The following NELL1 variants were observed in gnomAD, a reference collection of about 807,000 sequenced individuals.
NELL1 encodes the protein protein kinase C-binding protein NELL1.
Under a neutral mutation model 107.4 loss-of-function variants are expected in NELL1, and 76 were observed. The ratio of observed to expected loss-of-function variants is 0.71; its 90% CI spans 0.59 to 0.86. The LOEUF is 0.86. Ranked by LOEUF, NELL1 falls within the 40% of genes least tolerant of loss-of-function variation. NELL1 has a pLI of 0.00. For synonymous variants in NELL1, 353 were observed against 341.2 expected, an observed-to-expected ratio of 1.03 and a Z score of -0.38; for missense variants, 1,024 against 1,005.5, an observed-to-expected ratio of 1.02 and a Z score of -0.25.
intron 15 of NELL1, among the ~76,000 whole-genome samples, chr11:21,385,247 T>G (rs2133774470): frequency 1.3e-5 from 2 of 151,968 alleles, no homozygotes; most frequent in South Asian, 2.1e-4. Context: ...TCTTTGCCAT[T>G]ATATTTCCGG....
At position 21,467,197 on chromosome 11, in the gene NELL1, TACTA is replaced by T. The variant is rs567097333; in HGVS notation, c.1646-67173_1646-67170del. 3.9e-5 allele frequency among the ~76,000 whole-genome samples: 6 copies of T among 152,204 alleles called. No homozygotes were observed. In the East Asian group the frequency reaches 7.7e-4, roughly 20 times the overall value. ...GGCTTTGAATTGCAGATCCCATACTTACTAACTGTGTATGACTTAAGACAAGGTA... is the reference window on the plus strand; with the variant it reads ...GGCTTTGAATTGCAGATCCCATACTTACTGTGTATGACTTAAGACAAGGTA... On this transcript the variant is annotated intron_variant, in intron 15 of 19. Coordinates refer to ENST00000357134, the MANE Select transcript of NELL1 (RefSeq NM_006157.5).
chr11:21,566,300 G>A (rs1014637045), intron 17 of NELL1, among the ~76,000 whole-genome samples: 5 of 151,780 alleles, frequency 3.3e-5, no homozygotes, highest in African/African-American at 7.3e-5. Flanking sequence ...GAAAAAAAAT[G>A]AGTGATATTA....
intron 2 of NELL1, among the ~76,000 whole-genome samples, chr11:20,759,615 TG>T (rs1166510579): frequency 6.6e-6 from 1 of 152,224 alleles, no homozygotes; most frequent in African/African-American, 2.4e-5. Flanking sequence ...CATCCACCAC[TG>T]GGCAGGTTGT....
chr11:21,012,337 A>G (rs1208389937), intron 12 of NELL1, among the ~76,000 whole-genome samples: 1 of 152,108 alleles, frequency 6.6e-6, no homozygotes, highest in Non-Finnish European at 1.5e-5. Flanking sequence ...CTTCCATTCA[A>G]GACCACACAG....
At chr11:20,892,450 T>C (rs1250117740) in intron 5 of NELL1, among the ~76,000 whole-genome samples, 7 of 152,200 alleles carry the variant, frequency 4.6e-5, no homozygotes, top group African/African-American at 1.7e-4. Flanking sequence ...TATGTGAGGC[T>C]GTGGAGAAAT....
At chr11:21,515,655 G>T (rs1283813616) in intron 15 of NELL1, among the ~76,000 whole-genome samples, 1 of 152,108 alleles carries the variant, frequency 6.6e-6, no homozygotes, top group African/African-American at 2.4e-5. Context: ...TAAAGATATT[G>T]TATGATAGCA....
At chr11:21,239,512 G>A (rs939932737) in intron 14 of NELL1, among the ~76,000 whole-genome samples, 11 of 151,980 alleles carry the variant, frequency 7.2e-5, no homozygotes, top group African/African-American at 1.7e-4. Flanking sequence ...GGAAACATTC[G>A]TGAGACTCAG....
chr11:21,205,273 G>A (rs1322682898), intron 13 of NELL1, among the ~76,000 whole-genome samples: 2 of 152,140 alleles, frequency 1.3e-5, no homozygotes, highest in Non-Finnish European at 2.9e-5. Context: ...TTAAGCCCAC[G>A]ACTGGGGCTG....
intron 13 of NELL1, among the ~76,000 whole-genome samples, chr11:21,206,536 G>T (rs1227036244): frequency 6.6e-6 from 1 of 152,234 alleles, no homozygotes; most frequent in South Asian, 2.1e-4. Flanking sequence ...ACATTGAAAA[G>T]CAGGATAATA....
intron 15 of NELL1, among the ~76,000 whole-genome samples, chr11:21,444,098 C>G (rs937293583): frequency 9.9e-5 from 15 of 151,976 alleles, no homozygotes; most frequent in African/African-American, 3.6e-4. Flanking sequence ...TACATTGACA[C>G]CACATTTTAA....
At chr11:21,370,800 G>C in intron 14 of NELL1, 53 bp from the exon 15 acceptor site, 1 of 1,423,824 alleles carries the variant, frequency 7.0e-7, no homozygotes, top group Admixed American at 1.8e-5. Flanking sequence ...TGTTTACCGT[G>C]AATTTATCTA....
intron 12 of NELL1, among the ~76,000 whole-genome samples, chr11:21,068,133 A>C (rs2134374168): frequency 6.8e-6 from 1 of 147,360 alleles, no homozygotes; most frequent in East Asian, 2.1e-4. Flanking sequence ...ATGGAGATGT[A>C]TTCATTCTGG....
intron 15 of NELL1, among the ~76,000 whole-genome samples, chr11:21,512,557 A>T (rs1003346721): frequency 2.0e-5 from 3 of 152,154 alleles, no homozygotes; most frequent in East Asian, 1.9e-4. Flanking sequence ...GAGAGCCAGG[A>T]GAGGGTCTAA....
chr11:21,362,454 A>G (rs1405781200), intron 14 of NELL1, among the ~76,000 whole-genome samples: 1 of 152,194 alleles, frequency 6.6e-6, no homozygotes, highest in Non-Finnish European at 1.5e-5. Context: ...TTAGTGTGCT[A>G]GCTTTCTTGA....
chr11:20,868,063 A>G (rs557406156), intron 4 of NELL1, among the ~76,000 whole-genome samples: 2 of 152,334 alleles, frequency 1.3e-5, no homozygotes, highest in South Asian at 4.1e-4. Flanking sequence ...GGGTTTACAT[A>G]TAGCATCTCA....
chr11:21,418,326 G>A (rs1852570270), intron 15 of NELL1, among the ~76,000 whole-genome samples: 1 of 152,024 alleles, frequency 6.6e-6, no homozygotes, highest in Admixed American at 6.6e-5. Flanking sequence ...AACCAGGTAG[G>A]CAACATTTCA....
intron 15 of NELL1, among the ~76,000 whole-genome samples, chr11:21,395,544 T>C (rs1445743192): frequency 1.3e-5 from 2 of 151,498 alleles, no homozygotes; most frequent in Admixed American, 6.6e-5. Context: ...CTAACTTCTG[T>C]TTAAATGATT....
At chr11:21,374,576 C>T (rs1851427327) in intron 15 of NELL1, among the ~76,000 whole-genome samples, 3 of 152,008 alleles carry the variant, frequency 2.0e-5, no homozygotes, top group African/African-American at 7.2e-5. Context: ...CTAGCCCACA[C>T]TCAAGGAGAG....
intron 3 of NELL1, among the ~76,000 whole-genome samples, chr11:20,832,933 T>C (rs781713477): frequency 7.2e-5 from 11 of 152,110 alleles, no homozygotes; most frequent in Non-Finnish European, 1.2e-4. Flanking sequence ...GTTGGTTCTG[T>C]TAAGGGTAGT....
Sources: gnomAD v4.1 joint callset for allele counts (sites outside exome capture counted in the v4.1 genomes callset) on GRCh38, gnomAD v4.1.1 for gene constraint, MANE v1.5 for transcripts, NCBI Gene and HGNC (gene_info 2026-07-23, HGNC 2026-07-21) for gene names.